Variants in COG5 observed in about 807,000 individuals in gnomAD.
The protein encoded by COG5 is conserved oligomeric Golgi complex subunit 5.
COG5 carries 86 observed loss-of-function variants against 110.4 expected under a neutral mutation model. That is an observed-to-expected ratio of 0.78 (90% CI 0.65 to 0.93). COG5 has a LOEUF of 0.93. COG5 is among the 40% of genes least tolerant of loss of function. COG5 has a pLI of 0.00. For synonymous variants in COG5, 360 were observed against 334.6 expected (o/e 1.08, Z -0.83); for missense variants, 1,077 against 987.0 (o/e 1.09, Z -1.22).
intron 7 of COG5, among the ~76,000 whole-genome samples, chr7:107,378,679 T>C (rs1486294243): frequency 2.6e-5 from 4 of 152,022 alleles, no homozygotes; most frequent in South Asian, 2.1e-4. Context: ...ATATAAAAGA[T>C]TGAAGATCAG....
chr7:107,416,643 T>G (rs76990218), intron 6 of COG5, among the ~76,000 whole-genome samples: 5,111 of 152,242 alleles, frequency 0.034, 297 homozygotes, highest in African/African-American at 0.12. Context: ...AGTATAGCAT[T>G]TTTAGACAAG....
intron 11 of COG5, among the ~76,000 whole-genome samples, chr7:107,302,033 A>G (rs1187141302): frequency 1.3e-5 from 2 of 152,202 alleles, no homozygotes; most frequent in Non-Finnish European, 2.9e-5. Flanking sequence ...CTGCTTTTAG[A>G]TATTTGTCCA....
chr7:107,545,103 A>C (rs116579052), intron 5 of COG5, among the ~76,000 whole-genome samples: 1,816 of 152,300 alleles, frequency 0.012, 31 homozygotes, highest in African/African-American at 0.041. Flanking sequence ...CAAAAAGAAA[A>C]AAGAAAAAGA....
intron 14 of COG5, among the ~76,000 whole-genome samples, chr7:107,264,556 G>T (rs145156025): frequency 6.6e-6 from 1 of 151,996 alleles, no homozygotes; most frequent in Non-Finnish European, 1.5e-5. Flanking sequence ...GCCAGGTGTG[G>T]TGGTACGCGC....
chr7:107,479,134 A>T (rs1797164232), intron 6 of COG5, among the ~76,000 whole-genome samples: 1 of 152,126 alleles, frequency 6.6e-6, no homozygotes, highest in East Asian at 1.9e-4. Context: ...TAAAAGAAGA[A>T]TAAAGTTCTT....
At chr7:107,521,510 C>A (rs1372876028) in intron 6 of COG5, among the ~76,000 whole-genome samples, 1 of 152,212 alleles carries the variant, frequency 6.6e-6, no homozygotes, top group Non-Finnish European at 1.5e-5. Context: ...CAAAAGACGA[C>A]ATTTATGCAG....
Position 107,210,570 on chromosome 7 carries a change from C to A in COG5, c.2331G>T (p.Trp777Cys), listed in dbSNP as rs751618482. ...AEWSHTRFSQ[W>C]LDDHPSEKDR... ...CCTTTTCAGATGGATGGTCATCCAG[C>A]CACTGAGAGAAGCGTGTGTGGGACC... Residue 777 changes from tryptophan to cysteine, a missense_variant, in exon 21 of 22, where the codon TGG becomes TGT. By Grantham distance (215) the Trp-to-Cys change is radical (BLOSUM62 -2). Coordinates refer to ENST00000297135, the MANE Select transcript of COG5 (RefSeq NM_006348.5). 1 of 1,605,276 alleles carries A rather than the reference C, an allele frequency of 6.2e-7. No homozygotes were observed. Among genetic ancestry groups the A allele is most frequent in the Non-Finnish European group, 8.5e-7 (1 of 1,175,956 alleles).
At chr7:107,315,816 T>C (rs1562965015) in intron 11 of COG5, among the ~76,000 whole-genome samples, 1 of 152,174 alleles carries the variant, frequency 6.6e-6, no homozygotes, top group Non-Finnish European at 1.5e-5. Flanking sequence ...ATAAACAACT[T>C]ACTTTGGAGT....
At chr7:107,524,845 C>T (rs1800609950) in intron 6 of COG5, among the ~76,000 whole-genome samples, 1 of 152,164 alleles carries the variant, frequency 6.6e-6, no homozygotes, top group African/African-American at 2.4e-5. Context: ...GCCAACAGCA[C>T]ATTGGAAGGA....
At chr7:107,449,841 T>A (rs1010213252) in intron 6 of COG5, among the ~76,000 whole-genome samples, 2 of 152,202 alleles carry the variant, frequency 1.3e-5, no homozygotes, top group Non-Finnish European at 2.9e-5. Context: ...TTGCAAAATA[T>A]CTTTTTATCT....
At chr7:107,561,639 A>T (rs920518589) in intron 1 of COG5, among the ~76,000 whole-genome samples, 3 of 152,190 alleles carry the variant, frequency 2.0e-5, no homozygotes, top group Non-Finnish European at 2.9e-5. Flanking sequence ...AGGAAACAGG[A>T]AGAAAAAATC....
intron 6 of COG5, among the ~76,000 whole-genome samples, chr7:107,426,656 C>T (rs749233587): frequency 1.3e-5 from 2 of 152,072 alleles, no homozygotes; most frequent in Admixed American, 6.6e-5. Context: ...TCTCAAAAGC[C>T]CTTCCTCCTA....
chr7:107,285,211 T>C lies in COG5; in HGVS notation c.1314-1479A>G, dbSNP rs142336740. ...ATGCTAATTATAATAATTTCTGTAA[T>C]AGATGAAGATACCAAGACCATGATG... On this transcript the variant is annotated intron_variant, in intron 12 of 21. Coordinates refer to ENST00000297135, the MANE Select transcript of COG5 (RefSeq NM_006348.5). Among the ~76,000 whole-genome samples, 670 of 152,330 alleles carry C rather than the reference T, an allele frequency of 4.4e-3. 2 individuals carry two copies. The highest frequency in any genetic ancestry group is 0.015 in the African/African-American group (633 of 41,572).
intron 21 of COG5, 101 bp from the exon 22 acceptor site, chr7:107,203,731 G>C: frequency 1.3e-6 from 1 of 782,398 alleles, no homozygotes; most frequent in Non-Finnish European, 2.2e-6. Context: ...CTCATTTCTG[G>C]AACTGTTAAT....
chr7:107,258,814 G>T (rs974969888), intron 14 of COG5, among the ~76,000 whole-genome samples: 1 of 151,980 alleles, frequency 6.6e-6, no homozygotes, highest in Non-Finnish European at 1.5e-5. Context: ...AAAAAAGGGA[G>T]GAGGAAAGGA....
At chr7:107,433,783 A>C (rs1415220279) in intron 6 of COG5, among the ~76,000 whole-genome samples, 1 of 152,210 alleles carries the variant, frequency 6.6e-6, no homozygotes, top group African/African-American at 2.4e-5. Context: ...ACATATTGAC[A>C]CCAAATCACA....
At chr7:107,530,846 C>A (rs546565117) in intron 5 of COG5, among the ~76,000 whole-genome samples, 4 of 152,074 alleles carry the variant, frequency 2.6e-5, no homozygotes, top group African/African-American at 7.2e-5. Flanking sequence ...TTATCTTAGA[C>A]TTTTACTATT....
At chr7:107,559,844 A>G (rs1483710836) in intron 1 of COG5, among the ~76,000 whole-genome samples, 3 of 152,246 alleles carry the variant, frequency 2.0e-5, no homozygotes, top group African/African-American at 7.2e-5. Flanking sequence ...CAAGGGGAAT[A>G]CTGATTTCAG....
intron 18 of COG5, among the ~76,000 whole-genome samples, chr7:107,235,105 G>C (rs1334501675): frequency 6.6e-6 from 1 of 152,218 alleles, no homozygotes; most frequent in Non-Finnish European, 1.5e-5. Flanking sequence ...ACTAACTGCT[G>C]CATCAGTCAA....
Sources: gnomAD v4.1 joint callset for allele counts (sites outside exome capture counted in the v4.1 genomes callset) on GRCh38, gnomAD v4.1.1 for gene constraint, MANE v1.5 for transcripts, NCBI Gene and HGNC (gene_info 2026-07-23, HGNC 2026-07-21) for gene names.